The following MKLN1 variants were observed in gnomAD, a reference collection of about 807,000 sequenced individuals.
MKLN1 encodes muskelin.
Under a neutral mutation model 99.0 loss-of-function variants are expected in MKLN1, and 18 were observed. The observed-to-expected ratio is 0.18, with a 90% CI of 0.13 to 0.27. The LOEUF (loss-of-function observed/expected upper bound fraction) is 0.27. Among genes scored for constraint, MKLN1 ranks in the 10% least tolerant of loss-of-function variants. The probability of loss-of-function intolerance (pLI) is 1.00; values close to 1 mark genes in which losing one functional copy is unlikely to be tolerated. For missense variants in MKLN1, 621 were observed against 875.9 expected (o/e 0.71, Z 3.67); for synonymous variants, 288 against 293.2 (o/e 0.98, Z 0.18).
intron 2 of MKLN1, among the ~76,000 whole-genome samples, chr7:131,384,653 T>C (rs983460943): frequency 2.0e-5 from 3 of 152,228 alleles, no homozygotes; most frequent in Admixed American, 6.5e-5. Context: ...TAATACACCC[T>C]ATAGTACACC....
intron 1 of MKLN1, among the ~76,000 whole-genome samples, chr7:131,351,654 A>G (rs1799723414): frequency 6.6e-6 from 1 of 151,950 alleles, no homozygotes; most frequent in Non-Finnish European, 1.5e-5. Flanking sequence ...TTTAGAGTCA[A>G]GGTCTCATTG....
chr7:131,132,981 A>C (rs78868449), intron 1 of MKLN1, among the ~76,000 whole-genome samples: 6,536 of 143,768 alleles, frequency 0.045, 513 homozygotes, highest in African/African-American at 0.15. Flanking sequence ...GAAAGAAAGA[A>C]AAACCAGAGC....
At chr7:131,166,122 A>G (rs554602868) in intron 2 of MKLN1, among the ~76,000 whole-genome samples, 76 of 151,850 alleles carry the variant, frequency 5.0e-4, no homozygotes, top group African/African-American at 1.7e-3. Flanking sequence ...AAAGAAAATG[A>G]TTATGGTAGG....
At chr7:131,472,594 ATGTG>A (rs5887506) in intron 16 of MKLN1, among the ~76,000 whole-genome samples, 123,850 of 150,022 alleles carry the variant, frequency 0.83, 51,070 homozygotes, top group East Asian at 0.96. Context: ...TGAAGTGTGT[ATGTG>A]TGTGTGTGTG....
intron 8 of MKLN1, among the ~76,000 whole-genome samples, chr7:131,419,447 G>A (rs1342998432): frequency 1.3e-5 from 2 of 151,538 alleles, no homozygotes; most frequent in African/African-American, 4.9e-5. Context: ...GTGCCATGTT[G>A]GCCAGGCTGG....
At chr7:131,285,584 T>C (rs1012163030) in intron 3 of MKLN1, among the ~76,000 whole-genome samples, 1 of 152,220 alleles carries the variant, frequency 6.6e-6, no homozygotes, top group Non-Finnish European at 1.5e-5. Flanking sequence ...ATAAAATACA[T>C]GGATGCAAAT....
chr7:131,291,859 C>G (rs1584894980), intron 3 of MKLN1, among the ~76,000 whole-genome samples: 2 of 151,370 alleles, frequency 1.3e-5, no homozygotes, highest in Non-Finnish European at 2.9e-5. Flanking sequence ...AATAACGGCA[C>G]TTTGGGAGGA....
chr7:131,270,754 G>A (rs1295246306), intron 3 of MKLN1, among the ~76,000 whole-genome samples: 1 of 152,108 alleles, frequency 6.6e-6, no homozygotes, highest in African/African-American at 2.4e-5. Flanking sequence ...CCTTCATGGA[G>A]CTTATGGGAG....
chr7:131,191,765 G>A, intron 2 of MKLN1, among the ~76,000 whole-genome samples: 1 of 148,042 alleles, frequency 6.8e-6, no homozygotes, highest in Non-Finnish European at 1.5e-5. Context: ...CCAGGCTGGA[G>A]TGCAGTGGTG....
At chr7:131,324,750 C>T (rs1798850219), upstream of MKLN1, among the ~76,000 whole-genome samples, 2 of 152,176 alleles carry the variant, frequency 1.3e-5, no homozygotes, top group African/African-American at 4.8e-5. Context: ...GACAAATACA[C>T]AGTTCAAAAG....
In MKLN1 at chr7:131,384,336, G is replaced by T. The variant is rs577035537; in HGVS notation, c.169-2784G>T. On this transcript the variant is annotated intron_variant, in intron 2 of 17. Transcript: ENST00000352689. ...TCGAGGTGAGAGCATCTTTGATTAG[G>T]GTGGCCTATAAATCCAATGACAAGT... 3.3e-5 allele frequency among the ~76,000 whole-genome samples: 5 copies of T among 150,866 alleles called. No individual in the cohort carries two copies. The South Asian group carries it at 1.0e-3, about 32-fold the overall frequency.
chr7:131,249,450 G>A (rs753052431), intron 3 of MKLN1, among the ~76,000 whole-genome samples: 1 of 152,192 alleles, frequency 6.6e-6, no homozygotes, highest in Non-Finnish European at 1.5e-5. Context: ...TCACTGTGTG[G>A]AGACATGTTT....
At chr7:131,152,660 C>T (rs1027067209) in intron 2 of MKLN1, among the ~76,000 whole-genome samples, 4 of 151,776 alleles carry the variant, frequency 2.6e-5, no homozygotes, top group East Asian at 1.9e-4. Context: ...CCACCATGCT[C>T]GGCTAATTTT....
intron 9 of MKLN1, among the ~76,000 whole-genome samples, chr7:131,433,256 G>C (rs1209728094): frequency 6.6e-6 from 1 of 151,938 alleles, no homozygotes; most frequent in South Asian, 2.1e-4. Context: ...CCTTCAACTG[G>C]GTTTGTATGT....
chr7:131,235,692 C>CTT (rs1285969990), intron 3 of MKLN1, among the ~76,000 whole-genome samples: 1 of 152,124 alleles, frequency 6.6e-6, no homozygotes, highest in Non-Finnish European at 1.5e-5. Context: ...TCTGTTGTAT[C>CTT]TTTTTTCAGT....
chr7:131,291,162 A>G (rs1798210937), intron 3 of MKLN1, among the ~76,000 whole-genome samples: 1 of 147,564 alleles, frequency 6.8e-6, no homozygotes, highest in South Asian at 2.1e-4. Context: ...ACAGAGTCTC[A>G]CTCTGTCACC....
At chr7:131,156,786 G>A (rs1253618090) in intron 2 of MKLN1, among the ~76,000 whole-genome samples, 2 of 152,140 alleles carry the variant, frequency 1.3e-5, no homozygotes, top group South Asian at 4.1e-4. Context: ...GTAAGTTGAG[G>A]AGCACCTGTA....
At chr7:131,396,258 A>C (rs1794357199) in intron 4 of MKLN1, among the ~76,000 whole-genome samples, 1 of 152,090 alleles carries the variant, frequency 6.6e-6, no homozygotes, top group Non-Finnish European at 1.5e-5. Context: ...TTTTTAGTGG[A>C]GACAGAGTTT....
At chr7:131,484,741 T>C (rs988088575) in intron 17 of MKLN1, among the ~76,000 whole-genome samples, 1 of 152,150 alleles carries the variant, frequency 6.6e-6, no homozygotes, top group Non-Finnish European at 1.5e-5. Flanking sequence ...CAGTGAGGTA[T>C]AGTCTACAAA....
Sources: gnomAD v4.1 joint callset for allele counts (sites outside exome capture counted in the v4.1 genomes callset) on GRCh38, gnomAD v4.1.1 for gene constraint, MANE v1.5 for transcripts, NCBI Gene and HGNC (gene_info 2026-07-23, HGNC 2026-07-21) for gene names.